The following SYNE3 variants were observed in gnomAD, a reference collection of about 807,000 sequenced individuals.
SYNE3 encodes the protein spectrin repeat containing nuclear envelope family member 3, also known as nesprin-3.
A neutral mutation model predicts 111.2 loss-of-function variants in SYNE3; 100 were observed. The observed-to-expected ratio is 0.90, with a 90% CI of 0.77 to 1.06. The LOEUF (loss-of-function observed/expected upper bound fraction) is 1.06, where lower values mean the gene tolerates loss of function less well. SYNE3 is among the 50% of genes least tolerant of loss of function. The pLI is 0.00. For missense variants in SYNE3, 1,160 were observed against 1,240.3 expected, an observed-to-expected ratio of 0.94 and a Z score of 0.97; for synonymous variants, 547 against 533.9, an observed-to-expected ratio of 1.02 and a Z score of -0.34.
intron 2 of SYNE3, among the ~76,000 whole-genome samples, chr14:95,472,873 C>CG (rs1369035327): frequency 6.6e-6 from 1 of 152,024 alleles, no homozygotes; most frequent in African/African-American, 2.4e-5. Context: ...CATGAGGTCC[C>CG]GGGAAGGCAT....
chr14:95,510,995 A>AGGCTG (rs1489121200), intron 1 of SYNE3, among the ~76,000 whole-genome samples: 2 of 152,210 alleles, frequency 1.3e-5, no homozygotes, highest in African/African-American at 4.8e-5. Flanking sequence ...TGGCCCGCCC[A>AGGCTG]GGCTGGGCTG....
chr14:95,442,544 C>T (rs1178481075), intron 11 of SYNE3, among the ~76,000 whole-genome samples: 1 of 152,176 alleles, frequency 6.6e-6, no homozygotes, highest in Non-Finnish European at 1.5e-5. Context: ...AACGGCAGAC[C>T]CAGGACTCCA....
chr14:95,445,868 T>C, intron 9 of SYNE3, 41 bp downstream of exon 9: 1 of 1,603,728 alleles, frequency 6.2e-7, no homozygotes, highest in Non-Finnish European at 8.5e-7. Context: ...TCCAGCCCCG[T>C]GGCCAAGCCA....
At position 95,421,200 on chromosome 14, in the gene SYNE3, G is replaced by A. The variant is rs148968955; in HGVS notation, c.2728-3174C>T. Among the ~76,000 whole-genome samples, 169 of 152,204 alleles carry A rather than the reference G, an allele frequency of 1.1e-3. 1 individual carries two copies. In the South Asian group the frequency reaches 0.011, roughly 10 times the overall value. On this transcript the variant is annotated intron_variant, in intron 17 of 17. Coordinates refer to ENST00000682763, the MANE Select transcript of SYNE3 (RefSeq NM_152592.6). ...ATGTCTTTATCAGCAGCATGAAAAC[G>A]GACTAATACATCATCCCTGAAGGTA... is the stretch of plus-strand genomic sequence containing the variant.
At chr14:95,488,617 C>T (rs1279580386) in intron 1 of SYNE3, among the ~76,000 whole-genome samples, 1 of 134,636 alleles carries the variant, frequency 7.4e-6, no homozygotes, top group East Asian at 2.3e-4. Context: ...CACTTGAGCC[C>T]AGGAGTTTGA....
chr14:95,479,306 A>T (rs1445027810), intron 1 of SYNE3, among the ~76,000 whole-genome samples: 5 of 151,468 alleles, frequency 3.3e-5, no homozygotes, highest in Non-Finnish European at 7.4e-5. Flanking sequence ...GCATTGAGCT[A>T]TGATGGTACC....
intron 1 of SYNE3, among the ~76,000 whole-genome samples, chr14:95,508,579 C>A (rs1890610589): frequency 6.6e-6 from 1 of 152,202 alleles, no homozygotes; most frequent in Non-Finnish European, 1.5e-5. Context: ...CAGGAGGGTC[C>A]CTCTGAGGCC....
At chr14:95,466,978 C>A (rs977159245) in intron 3 of SYNE3, among the ~76,000 whole-genome samples, 1 of 152,184 alleles carries the variant, frequency 6.6e-6, no homozygotes, top group African/African-American at 2.4e-5. Context: ...TGGGAGCCTG[C>A]GTGTGCGTTC....
At chr14:95,443,375 G>C (rs1555404835) in intron 10 of SYNE3, 86 bp from the exon 11 acceptor site, 7 of 1,520,364 alleles carry the variant, frequency 4.6e-6, no homozygotes. Context: ...CTCTGAGTGG[G>C]AGAGCCTGGG....
At chr14:95,445,715 G>C (rs894593949) in intron 9 of SYNE3, among the ~76,000 whole-genome samples, 194 bp downstream of exon 9, 6 of 152,244 alleles carry the variant, frequency 3.9e-5, no homozygotes, top group Admixed American at 2.0e-4. Context: ...AAACCAGTTA[G>C]AGGGACCATG....
In SYNE3 at chr14:95,408,070, T is replaced by C. The variant is rs1599965; in HGVS notation, c.*9756A>G. On this transcript the variant is annotated 3_prime_UTR_variant, in exon 18 of 18. Coordinates refer to ENST00000682763, the MANE Select transcript of SYNE3 (RefSeq NM_152592.6). Reference sequence around the variant, plus strand: ...AACATTCTCAGCATCGCCCCAGACATCCTTGTTCACAATCTCAGGGGTGGA... The same window carrying C: ...AACATTCTCAGCATCGCCCCAGACACCCTTGTTCACAATCTCAGGGGTGGA... The C allele has an allele frequency of 0.31, 46,641 of 151,998 alleles. 7,386 individuals are homozygous for C. The highest frequency in any genetic ancestry group is 0.45 in the East Asian group (2,300 of 5,152). 9.4% of individuals were successfully genotyped at this position (151,998 alleles called of 1,614,324 possible).
Position 95,446,060 on chromosome 14 carries a change from T to A in SYNE3, c.1481A>T (p.Glu494Val). ...AALMESSRLKELLTMLQLKKD... is the reference protein window; with the variant it reads ...AALMESSRLKVLLTMLQLKKD... ...CTTCAGCTGCAGCATCGTCAGCAGC[T>A]CTTTCAGGCGGGAGCTTTCCATCAG... is the stretch of plus-strand genomic sequence containing the variant. Residue 494 changes from glutamate to valine, a missense_variant, in exon 9 of 18, where the codon GAG becomes GTG. By Grantham distance (121) the Glu-to-Val change is moderately radical (BLOSUM62 -2). Transcript: ENST00000682763. The A allele has an allele frequency of 6.2e-7, 1 of 1,614,098 alleles. No individual in the cohort carries two copies. The highest frequency in any genetic ancestry group is 8.5e-7 in the Non-Finnish European group (1 of 1,180,036).
intron 11 of SYNE3, among the ~76,000 whole-genome samples, chr14:95,441,034 C>G (rs555346559): frequency 6.6e-5 from 10 of 152,242 alleles, no homozygotes; most frequent in Admixed American, 1.3e-4. Flanking sequence ...CTCTATGCCT[C>G]TGGCCACCCA....
chr14:95,430,490 T>G (rs1317367205), intron 17 of SYNE3, among the ~76,000 whole-genome samples: 1 of 152,208 alleles, frequency 6.6e-6, no homozygotes, highest in East Asian at 1.9e-4. Flanking sequence ...TCACACGATC[T>G]TCAAAATAAG....
At chr14:95,424,213 T>G (rs1595174464) in intron 17 of SYNE3, among the ~76,000 whole-genome samples, 2 of 148,764 alleles carry the variant, frequency 1.3e-5, no homozygotes, top group South Asian at 4.3e-4. Flanking sequence ...AAGCCACAGG[T>G]GTGAGAGGAG....
chr14:95,443,104 G>C, intron 11 of SYNE3, 51 bp downstream of exon 11: 1 of 1,605,898 alleles, frequency 6.2e-7, no homozygotes, highest in Non-Finnish European at 8.5e-7. Context: ...CGTGTTGGAT[G>C]ACAGGGGCCG....
chr14:95,438,718 C>T (rs114404611), intron 14 of SYNE3: 1 of 260,540 alleles, frequency 3.8e-6, no homozygotes, highest in Admixed American at 4.7e-5. Flanking sequence ...AGGAAGCTTT[C>T]AGCCCCGACA....
chr14:95,465,626 C>T lies in SYNE3; in HGVS notation c.627+305G>A, dbSNP rs550674648. Among the ~76,000 whole-genome samples the T allele has an allele frequency of 2.6e-5, 4 of 151,976 alleles. No homozygotes were observed. In the South Asian group the frequency reaches 8.3e-4, roughly 32 times the overall value. ...GGAAGTAGATGGATGAGTGAGTCAACAGATGGGTGGGAGAATACATGGATG... is the reference window on the plus strand; with the variant it reads ...GGAAGTAGATGGATGAGTGAGTCAATAGATGGGTGGGAGAATACATGGATG... On this transcript the variant is annotated intron_variant, in intron 4 of 17. Coordinates refer to ENST00000682763, the MANE Select transcript of SYNE3 (RefSeq NM_152592.6).
chr14:95,420,735 C>T (rs1885068314), intron 17 of SYNE3, among the ~76,000 whole-genome samples: 1 of 151,204 alleles, frequency 6.6e-6, no homozygotes. Context: ...CACATACACA[C>T]ACACACAGAC....
Sources: allele counts gnomAD v4.1 joint callset (sites outside exome capture counted in the v4.1 genomes callset), GRCh38; gene constraint gnomAD v4.1.1; transcripts MANE v1.5; gene names NCBI Gene and HGNC (gene_info 2026-07-23, HGNC 2026-07-21).